Variants in KPNA4 observed in about 807,000 individuals in gnomAD.
The protein encoded by KPNA4 is importin subunit alpha-3.
In KPNA4, 13 loss-of-function variants were observed where a neutral mutation model predicts 71.3. The ratio of observed to expected loss-of-function variants is 0.18; its 90% CI spans 0.12 to 0.29. The LOEUF (loss-of-function observed/expected upper bound fraction) is 0.29. KPNA4 is among the 10% of genes least tolerant of loss of function. The probability of loss-of-function intolerance (pLI) is 1.00; values close to 1 mark genes in which losing one functional copy is unlikely to be tolerated. For synonymous variants in KPNA4, 189 were observed against 195.2 expected, an observed-to-expected ratio of 0.97 and a Z score of 0.26; for missense variants, 334 against 603.2, an observed-to-expected ratio of 0.55 and a Z score of 4.67.
At chr3:160,559,473 A>G (rs1456532162) in intron 1 of KPNA4, among the ~76,000 whole-genome samples, 1 of 152,192 alleles carries the variant, frequency 6.6e-6, no homozygotes, top group Admixed American at 6.5e-5. Context: ...ATGTTTTCCA[A>G]ATAATCCAAT....
At chr3:160,503,746 T>A (rs183874743) in intron 16 of KPNA4, among the ~76,000 whole-genome samples, 32 of 152,302 alleles carry the variant, frequency 2.1e-4, no homozygotes, top group African/African-American at 7.7e-4. Flanking sequence ...ATTATGATTT[T>A]CAAAAATCCA....
Position 160,545,705 on chromosome 3 carries a change from T to C in KPNA4, c.70-8865A>G, listed in dbSNP as rs117389218. On this transcript the variant is annotated intron_variant, in intron 1 of 16. Coordinates refer to ENST00000334256, the MANE Select transcript of KPNA4 (RefSeq NM_002268.5). ...GACATGTTCTGATTTAAAAGAGAAT[T>C]ACTCCAGCTGCTGTGTTGGGAATAT... is the stretch of plus-strand genomic sequence containing the variant. Among the ~76,000 whole-genome samples the C allele has an allele frequency of 3.7e-4, 57 of 152,268 alleles. No homozygotes were observed. The East Asian group carries it at 0.011, about 29-fold the overall frequency.
At chr3:160,511,613 C>T (rs1435938035) in intron 13 of KPNA4, among the ~76,000 whole-genome samples, 1 of 151,570 alleles carries the variant, frequency 6.6e-6, no homozygotes, top group African/African-American at 2.4e-5. Context: ...TTTTTAAGTA[C>T]ATTACTGATG....
chr3:160,557,415 A>G (rs1722159083), intron 1 of KPNA4, among the ~76,000 whole-genome samples: 1 of 152,210 alleles, frequency 6.6e-6, no homozygotes, highest in Non-Finnish European at 1.5e-5. Context: ...AAAGAACAGG[A>G]CACTGAGATA....
intron 1 of KPNA4, among the ~76,000 whole-genome samples, chr3:160,551,942 G>C (rs541168874): frequency 6.8e-5 from 9 of 132,080 alleles, no homozygotes; most frequent in South Asian, 2.4e-4. Context: ...TCACAACTGG[G>C]GGGGGGGGGG....
In KPNA4 at chr3:160,498,295, C is replaced by T. The variant is rs1209735091; in HGVS notation, c.*3809G>A. ...CAACCTTGATCCCCAAATAAGCTTG[C>T]TATGATAACTATATAAGGCTATCAC... On this transcript the variant is annotated 3_prime_UTR_variant, in exon 17 of 17. Transcript: ENST00000334256. 2 of 152,168 alleles carry T rather than the reference C, an allele frequency of 1.3e-5. No homozygotes were observed. Among genetic ancestry groups the T allele is most frequent in the Admixed American group, 6.5e-5 (1 of 15,270 alleles). 9.4% of individuals were successfully genotyped at this position (152,168 alleles called of 1,614,324 possible).
Position 160,546,657 on chromosome 3 carries a change from A to T in KPNA4, c.70-9817T>A, listed in dbSNP as rs375851323. ...AAACGTACATTTACTTTATAAACTA[A>T]TATGGTTAATCACCAACCTTTGTTT... On this transcript the variant is annotated intron_variant, in intron 1 of 16. Transcript: ENST00000334256. Among the ~76,000 whole-genome samples, 7 of 152,330 alleles carry T rather than the reference A, an allele frequency of 4.6e-5. No individual in the cohort carries two copies. In the South Asian group the frequency reaches 1.4e-3, roughly 32 times the overall value.
In KPNA4 at chr3:160,502,105, TA is replaced by T; in HGVS notation, c.1564del (p.Ter522ArgfsTer13). The T allele has an allele frequency of 1.3e-6, 2 of 1,564,694 alleles. No homozygotes were observed. Among genetic ancestry groups the T allele is most frequent in the African/African-American group, 1.4e-5 (1 of 73,892 alleles). On this transcript the variant is annotated frameshift_variant and stop_lost, in exon 17 of 17. Coordinates refer to ENST00000334256, the MANE Select transcript of KPNA4 (RefSeq NM_002268.5). LOFTEE classifies it high-confidence loss of function. ...GTACCTAACTTCCACAACATCTTTC[TA>T]AAACTGGAACCCTTCTGTTGGTACA... ...ANVPTEGFQF* is the reference protein window; with the variant it reads ...ANVPTEGFQFX
intron 7 of KPNA4, among the ~76,000 whole-genome samples, chr3:160,528,419 G>GA (rs1305493780): frequency 2.0e-5 from 3 of 152,058 alleles, no homozygotes; most frequent in African/African-American, 7.2e-5. Context: ...AGGCTGGAGG[G>GA]AAGCGGTGGA....
chr3:160,554,709 T>C (rs1269728166), intron 1 of KPNA4, among the ~76,000 whole-genome samples: 1 of 152,212 alleles, frequency 6.6e-6, no homozygotes, highest in Non-Finnish European at 1.5e-5. Flanking sequence ...CAATTGTTAA[T>C]GATTTAATCA....
chr3:160,533,542 T>A (rs111242798), intron 5 of KPNA4, among the ~76,000 whole-genome samples: 4,931 of 151,954 alleles, frequency 0.032, 259 homozygotes, highest in African/African-American at 0.11. Context: ...ATTTAAAAAA[T>A]TTTTTTTACA....
At chr3:160,532,881 C>G (rs1275826213) in intron 5 of KPNA4, among the ~76,000 whole-genome samples, 1 of 152,208 alleles carries the variant, frequency 6.6e-6, no homozygotes, top group Non-Finnish European at 1.5e-5. Context: ...AAGACTGAAC[C>G]TATCCTAAAC....
At chr3:160,546,079 A>C (rs1302899198) in intron 1 of KPNA4, among the ~76,000 whole-genome samples, 1 of 151,446 alleles carries the variant, frequency 6.6e-6, no homozygotes, top group Non-Finnish European at 1.5e-5. Flanking sequence ...GAGACTAAAA[A>C]TATCAATTTG....
chr3:160,509,739 A>G lies in KPNA4; in HGVS notation c.1209+61T>C, dbSNP rs1209165788. 3 of 1,095,456 alleles carry G rather than the reference A, an allele frequency of 2.7e-6. No individual in the cohort carries two copies. In the African/African-American group the frequency reaches 4.6e-5, roughly 17 times the overall value. The allele number at this position is 1,095,456 out of a possible 1,614,324, so 67.9% of individuals were successfully genotyped here. ...TTATAACTTACTCAAATCTAAATCA[A>G]TATTACCTGTACTTTTATTTTACCA... On this transcript the variant is annotated intron_variant, in intron 14 of 16. Transcript: ENST00000334256.
At chr3:160,539,839 T>G (rs1371893948) in intron 1 of KPNA4, among the ~76,000 whole-genome samples, 4 of 152,132 alleles carry the variant, frequency 2.6e-5, no homozygotes, top group African/African-American at 4.8e-5. Flanking sequence ...ATAATGGGCT[T>G]TAACTTCTTT....
intron 1 of KPNA4, among the ~76,000 whole-genome samples, chr3:160,558,732 C>T (rs1391318216): frequency 6.6e-6 from 1 of 151,982 alleles, no homozygotes; most frequent in Non-Finnish European, 1.5e-5. Context: ...AAACTATTTT[C>T]CTAATGATAA....
At chr3:160,538,132 T>C (rs1174230669) in intron 1 of KPNA4, among the ~76,000 whole-genome samples, 1 of 149,906 alleles carries the variant, frequency 6.7e-6, no homozygotes, top group Non-Finnish European at 1.5e-5. Context: ...TGTATATATA[T>C]GTATGTATAT....
rs1720887846 is a variant in KPNA4 at position 160,501,792 on chromosome 3, T to G, written c.*312A>C. The G allele has an allele frequency of 6.5e-6, 1 of 155,002 alleles. No homozygotes were observed. The highest frequency in any genetic ancestry group is 2.4e-5 in the African/African-American group (1 of 41,530). 9.6% of individuals were successfully genotyped at this position (155,002 alleles called of 1,614,324 possible). A position where few individuals can be genotyped will look rare whatever the true frequency, so the allele number is the denominator to read the frequency against. On this transcript the variant is annotated 3_prime_UTR_variant, in exon 17 of 17. Transcript: ENST00000334256. ...TAAGTCAATGTTCTTTCTCAGGCAC[T>G]GACGATCTGTGACCTGTAGCCCTTT... is the stretch of plus-strand genomic sequence containing the variant.
intron 5 of KPNA4, among the ~76,000 whole-genome samples, chr3:160,534,586 C>G (rs1006768907): frequency 6.6e-6 from 1 of 150,848 alleles, no homozygotes; most frequent in African/African-American, 2.4e-5. Flanking sequence ...GGCATGGTGG[C>G]GGGCGCCTGT....
Sources: allele counts gnomAD v4.1 joint callset (sites outside exome capture counted in the v4.1 genomes callset), GRCh38; gene constraint gnomAD v4.1.1; transcripts MANE v1.5; gene names NCBI Gene and HGNC (gene_info 2026-07-23, HGNC 2026-07-21).